PRMT7: variants seen among roughly 807,000 people sequenced by gnomAD.
The protein encoded by PRMT7 is protein arginine N-methyltransferase 7.
In PRMT7, 75 loss-of-function variants were observed where a neutral mutation model predicts 85.4. That is an observed-to-expected ratio of 0.88 (90% CI 0.73 to 1.06). PRMT7 has a LOEUF of 1.06. Ranked by LOEUF, PRMT7 falls within the 50% of genes least tolerant of loss-of-function variation. PRMT7 has a pLI of 0.00. For synonymous variants in PRMT7, 397 were observed against 359.5 expected, an observed-to-expected ratio of 1.10 and a Z score of -1.18; for missense variants, 868 against 915.2, an observed-to-expected ratio of 0.95 and a Z score of 0.67.
intron 16 of PRMT7, 127 bp downstream of exon 16, chr16:68,353,693 G>A: frequency 3.6e-6 from 3 of 826,066 alleles, no homozygotes; most frequent in Non-Finnish European, 5.4e-6. Flanking sequence ...CTGCCATTTT[G>A]TGTGGTTCAA....
chr16:68,344,630 G>A (rs1347456305), intron 9 of PRMT7, among the ~76,000 whole-genome samples: 1 of 151,984 alleles, frequency 6.6e-6, no homozygotes, highest in Non-Finnish European at 1.5e-5. Context: ...GTTTTCTTAG[G>A]ATAGAAACCT....
At chr16:68,346,913 C>G (rs889537239) in intron 11 of PRMT7, among the ~76,000 whole-genome samples, 4 of 152,082 alleles carry the variant, frequency 2.6e-5, no homozygotes, top group Admixed American at 1.3e-4. Context: ...GTGCTCTAAC[C>G]AGACAGGGAA....
chr16:68,324,306 G>T, intron 4 of PRMT7: 1 of 202,944 alleles, frequency 4.9e-6, no homozygotes, highest in South Asian at 8.2e-5. Context: ...TGCCCCTACC[G>T]AGAGGACCCT....
intron 9 of PRMT7, among the ~76,000 whole-genome samples, chr16:68,344,595 A>C (rs1191235241): frequency 1.3e-5 from 2 of 152,254 alleles, no homozygotes; most frequent in East Asian, 1.9e-4. Context: ...TTTTATGTGA[A>C]TATAACTTTT....
At chr16:68,351,208 C>G (rs1481225510) in intron 14 of PRMT7, among the ~76,000 whole-genome samples, 1 of 152,196 alleles carries the variant, frequency 6.6e-6, no homozygotes, top group African/African-American at 2.4e-5. Context: ...GCAGCCCCTT[C>G]TGTCTGCCAG....
At chr16:68,350,279 G>A (rs1295656493) in intron 14 of PRMT7, among the ~76,000 whole-genome samples, 1 of 152,208 alleles carries the variant, frequency 6.6e-6, no homozygotes, top group African/African-American at 2.4e-5. Context: ...CTCTTATGCA[G>A]ATGCCTTGGT....
intron 4 of PRMT7, among the ~76,000 whole-genome samples, chr16:68,322,051 G>A (rs1469883457): frequency 2.0e-5 from 3 of 151,854 alleles, no homozygotes; most frequent in Non-Finnish European, 4.4e-5. Flanking sequence ...GAGTTCAAGC[G>A]ATTCTCCTGC....
Position 68,324,518 on chromosome 16 carries a change from T to C in PRMT7, c.133-165T>C, listed in dbSNP as rs183464694. 6 of 723,238 alleles carry C rather than the reference T, an allele frequency of 8.3e-6. No individual in the cohort carries two copies. In the African/African-American group the frequency reaches 1.1e-4, roughly 13 times the overall value. 44.8% of individuals were successfully genotyped at this position (723,238 alleles called of 1,614,324 possible). A position where few individuals can be genotyped will look rare whatever the true frequency, so the allele number is the denominator to read the frequency against. ...GCTTAATAAAGGGCAAGGGGCTGAC[T>C]CACAAGACCTGCCCAACTCAGCCAG... On this transcript the variant is annotated intron_variant, in intron 4 of 18. Coordinates refer to ENST00000441236, the MANE Select transcript of PRMT7 (RefSeq NM_019023.5).
intron 16 of PRMT7, chr16:68,354,601 G>C (rs1017826706): frequency 6.6e-6 from 1 of 152,306 alleles, no homozygotes; most frequent in Non-Finnish European, 1.5e-5. Flanking sequence ...GCAGACCATT[G>C]ACTGTTCGAT....
chr16:68,347,567 T>TA (rs1183780639), intron 12 of PRMT7, 64 bp from the exon 13 acceptor site: 1 of 1,540,336 alleles, frequency 6.5e-7, no homozygotes, highest in East Asian at 2.3e-5. Flanking sequence ...TGTCGCATTT[T>TA]AATCTTTAAT....
At chr16:68,334,127 T>A (rs756420993) in intron 6 of PRMT7, among the ~76,000 whole-genome samples, 1 of 152,172 alleles carries the variant, frequency 6.6e-6, no homozygotes, top group Non-Finnish European at 1.5e-5. Flanking sequence ...AATCATTATG[T>A]AGTTATGTAT....
At chr16:68,345,975 G>A in intron 10 of PRMT7, 170 bp from the exon 11 acceptor site, 1 of 1,280,842 alleles carries the variant, frequency 7.8e-7, no homozygotes, top group Non-Finnish European at 1.1e-6. Flanking sequence ...CCCAGGAGAG[G>A]CTGTCATGGG....
chr16:68,316,066 G>T lies in PRMT7; in HGVS notation c.87G>T (p.Glu29Asp), dbSNP rs1180746189. The T allele has an allele frequency of 6.2e-7, 1 of 1,613,308 alleles. No individual in the cohort carries two copies. The highest frequency in any genetic ancestry group is 8.5e-7 in the Non-Finnish European group (1 of 1,179,736). The change falls in exon 3 of 19, where the codon GAG (glutamate) becomes GAT (aspartate). Residue 29 changes from glutamate (E) to aspartate (D), a missense_variant. Glu to Asp is a conservative substitution (Grantham distance 45). Transcript: ENST00000441236. ...EEDEHYDYHQ[E>D]IARSSYADML... Reference sequence around the variant, plus strand: ...ATGAACACTATGATTACCACCAGGAGATTGCAAGGTACTGGGTTGGTTTAC... The same window carrying T: ...ATGAACACTATGATTACCACCAGGATATTGCAAGGTACTGGGTTGGTTTAC...
chr16:68,346,212 A>C lies in PRMT7; in HGVS notation c.1123A>C (p.Asn375His). 2 of 1,614,190 alleles carry C rather than the reference A, an allele frequency of 1.2e-6. No homozygotes were observed. The highest frequency in any genetic ancestry group is 1.7e-6 in the Non-Finnish European group (2 of 1,180,032). The change falls in exon 11 of 19, where the codon AAC (asparagine) becomes CAC (histidine). Residue 375 changes from asparagine (N) to histidine (H), a missense_variant. Coordinates refer to ENST00000441236, the MANE Select transcript of PRMT7 (RefSeq NM_019023.5). Reference sequence around the variant, plus strand: ...TGACTGCCAGGCTCACCTGCTCTGGAACCGGCCTCGGTTTGGAGAGATCAA... The same window carrying C: ...TGACTGCCAGGCTCACCTGCTCTGGCACCGGCCTCGGTTTGGAGAGATCAA... ...VCDCQAHLLW[N>H]RPRFGEINDQ...
chr16:68,311,200 G>T (rs2043590318), intron 1 of PRMT7, 101 bp downstream of exon 1: 1 of 570,836 alleles, frequency 1.8e-6, no homozygotes, highest in Non-Finnish European at 3.2e-6. Flanking sequence ...GGAGCCTAGC[G>T]TGGGCCTACT....
chr16:68,315,822 G>T (rs1268220515), intron 2 of PRMT7, 75 bp from the exon 3 acceptor site: 1 of 640,768 alleles, frequency 1.6e-6, no homozygotes. Flanking sequence ...CCACATTTTG[G>T]GGCATTGTGC....
rs756505996 is a variant in PRMT7, at chr16:68,316,097, G to C, written c.95+23G>C. On this transcript the variant is annotated intron_variant, in intron 3 of 18. Coordinates refer to ENST00000441236, the MANE Select transcript of PRMT7 (RefSeq NM_019023.5). ...AAGGTACTGGGTTGGTTTACAGCAG[G>C]CTGCAGCTGGGTGGGGCACTTGATC... The C allele has an allele frequency of 3.1e-6, 5 of 1,603,112 alleles. No individual in the cohort carries two copies. In the South Asian group the frequency reaches 5.5e-5, roughly 18 times the overall value.
rs1292741965 is a variant in PRMT7 at position 68,347,501 on chromosome 16, G to A, written c.1276-130G>A. The A allele has an allele frequency of 1.1e-5, 12 of 1,102,532 alleles. No homozygotes were observed. The East Asian group carries it at 2.7e-4, about 24-fold the overall frequency. The allele number at this position is 1,102,532 out of a possible 1,614,324, so 68.3% of individuals were successfully genotyped here. A position where few individuals can be genotyped will look rare whatever the true frequency, so the allele number is the denominator to read the frequency against. ...GAGCTGGTGTTCAGGCTGCCCCAGG[G>A]AGGGAATGAGGGCAGGGAGGGTTGT... is the stretch of plus-strand genomic sequence containing the variant. On this transcript the variant is annotated intron_variant, in intron 12 of 18. Coordinates refer to ENST00000441236, the MANE Select transcript of PRMT7 (RefSeq NM_019023.5).
At chr16:68,353,610 G>A (rs772090617) in intron 16 of PRMT7, 44 bp downstream of exon 16, 4 of 1,490,050 alleles carry the variant, frequency 2.7e-6, no homozygotes, top group Non-Finnish European at 3.6e-6. Flanking sequence ...ACCTGCTCCT[G>A]TATCGCAGGC....
Sources: allele counts gnomAD v4.1 joint callset (sites outside exome capture counted in the v4.1 genomes callset), GRCh38; gene constraint gnomAD v4.1.1; transcripts MANE v1.5; gene names NCBI Gene and HGNC (gene_info 2026-07-23, HGNC 2026-07-21).